MIS18BP1: variants seen among roughly 807,000 people sequenced by gnomAD.
MIS18BP1 encodes MIS18 binding protein 1, also known as mis18-binding protein 1.
A neutral mutation model predicts 116.1 loss-of-function variants in MIS18BP1; 72 were observed. The ratio of observed to expected loss-of-function variants is 0.62; its 90% confidence interval spans 0.51 to 0.75. The LOEUF is 0.75. MIS18BP1 is among the 30% of genes least tolerant of loss of function. The pLI is 0.00. For missense variants in MIS18BP1, 1,363 were observed against 1,303.2 expected (o/e 1.05, Z -0.71); for synonymous variants, 386 against 427.0 (o/e 0.90, Z 1.18).
At chr14:45,232,569 C>T (rs1256079354) in intron 7 of MIS18BP1, 164 bp downstream of exon 7, 8 of 599,366 alleles carry the variant, frequency 1.3e-5, no homozygotes, top group South Asian at 5.2e-5. Flanking sequence ...CTGAGACAGG[C>T]GGATCACTTG....
intron 1 of MIS18BP1, 86 bp from the exon 2 acceptor site, chr14:45,247,463 A>C: frequency 2.0e-6 from 1 of 495,796 alleles, no homozygotes; most frequent in Middle Eastern, 5.2e-4. Context: ...CATTATACTA[A>C]TTAAAATGTT....
chr14:45,250,480 G>A (rs777276023), intron 1 of MIS18BP1, among the ~76,000 whole-genome samples: 1 of 152,230 alleles, frequency 6.6e-6, no homozygotes, highest in African/African-American at 2.4e-5. Flanking sequence ...CAACCCGCAA[G>A]TGGAGGAAAG....
At chr14:45,230,444 A>C (rs1891243202) in intron 8 of MIS18BP1, among the ~76,000 whole-genome samples, 1 of 152,118 alleles carries the variant, frequency 6.6e-6, no homozygotes, top group Non-Finnish European at 1.5e-5. Context: ...AAGGAAACAG[A>C]TTTTGCCTAT....
Position 45,253,043 on chromosome 14 carries a change from A to C in MIS18BP1, c.-100T>G, listed in dbSNP as rs900153694. The stretch of plus-strand genomic sequence containing the variant: ...GCGCGGGGAGGACGTACCTTGGATG[A>C]AGAGCCTGGCAGGGAGAGACTGCCG... On this transcript the variant is annotated 5_prime_UTR_variant, in exon 1 of 17. Coordinates refer to ENST00000310806, the MANE Select transcript of MIS18BP1 (RefSeq NM_018353.5). The C allele has an allele frequency of 1.3e-4, 20 of 152,354 alleles. No homozygotes were observed. Among genetic ancestry groups the C allele is most frequent in the African/African-American group, 4.8e-4 (20 of 41,472 alleles). 9.4% of individuals were successfully genotyped at this position (152,354 alleles called of 1,614,324 possible).
rs773771039 is a variant in MIS18BP1 at position 45,242,763 on chromosome 14, T to C, written c.656A>G (p.Tyr219Cys). The C allele has an allele frequency of 1.2e-6, 2 of 1,600,716 alleles. No homozygotes were observed. Among genetic ancestry groups the C allele is most frequent in the Admixed American group, 3.5e-5 (2 of 56,898 alleles). ...AAAACAAACCAAAAATAGTTTACCG[T>C]AAGTTAAATTGTGCAGTGGTGCTTT... Reference protein sequence around the residue: ...EKKAPLHNLTYELPTLNQEQE... With the variant: ...EKKAPLHNLTCELPTLNQEQE... Residue 219 changes from tyrosine to cysteine, a missense_variant and splice_region_variant, in exon 3 of 17, where the codon TAC (tyrosine) becomes TGC (cysteine). By Grantham distance (194) the Tyr-to-Cys change is radical. Coordinates refer to ENST00000310806, the MANE Select transcript of MIS18BP1 (RefSeq NM_018353.5).
Position 45,224,431 on chromosome 14 carries a change from A to C in MIS18BP1, c.2156T>G (p.Leu719Ter), listed in dbSNP as rs543280026. Residue 719 changes from leucine to a stop codon, truncating the protein, a stop_gained, in exon 11 of 17, where the codon TTA (leucine) becomes TGA (stop). Coordinates refer to ENST00000310806, the MANE Select transcript of MIS18BP1 (RefSeq NM_018353.5). LOFTEE classifies it high-confidence loss of function. ...TTTTATTTTCCGGTTGACAGTAAGT[A>C]AGTCACGTTCATCGCAATCTTCCTT... The part of the protein sequence containing the change: ...KNKEDCDERD[L>*]LTVNRKIKIS... 3 of 1,613,998 alleles carry C rather than the reference A, an allele frequency of 1.9e-6. No individual in the cohort carries two copies. Among genetic ancestry groups the C allele is most frequent in the African/African-American group, 2.7e-5 (2 of 75,064 alleles).
At chr14:45,237,774 C>A in intron 4 of MIS18BP1, 53 bp from the exon 5 acceptor site, 3 of 1,534,048 alleles carry the variant, frequency 2.0e-6, no homozygotes, top group Non-Finnish European at 8.7e-7. Flanking sequence ...GCAGCACAAG[C>A]ATTACAAAAT....
In MIS18BP1 at chr14:45,237,012, CTTT is replaced by C. The variant is rs11329365; in HGVS notation, c.1217+633_1217+635del. 1.3e-3 allele frequency among the ~76,000 whole-genome samples: 179 copies of C among 136,968 alleles called. 1 individual carries two copies. The highest frequency in any genetic ancestry group is 4.6e-3 in the African/African-American group (169 of 36,944). The allele number at this position is 136,968 out of a possible 152,430, so 89.9% of individuals were successfully genotyped here. A position where few individuals can be genotyped will look rare whatever the true frequency, so the allele number is the denominator to read the frequency against. On this transcript the variant is annotated intron_variant, in intron 5 of 16. Transcript: ENST00000310806. ...ATATGAGTACCTTAAACAGTTATAACTTTTTTTTTTTTTTTTTTTGAGACAGAG... is the reference window on the plus strand; with the variant it reads ...ATATGAGTACCTTAAACAGTTATAACTTTTTTTTTTTTTTTTGAGACAGAG...
At chr14:45,208,618 T>C (rs201392753) in intron 14 of MIS18BP1, among the ~76,000 whole-genome samples, 2 of 152,066 alleles carry the variant, frequency 1.3e-5, no homozygotes, top group East Asian at 3.9e-4. Context: ...AGGTGTGAGC[T>C]ACCGCGCCCG....
intron 13 of MIS18BP1, among the ~76,000 whole-genome samples, chr14:45,214,041 G>GA (rs1160010549): frequency 6.6e-6 from 1 of 152,314 alleles, no homozygotes; most frequent in African/African-American, 2.4e-5. Context: ...CTCTGCCTAG[G>GA]AAAACCAGGT....
At chr14:45,238,855 C>G (rs1301997382) in intron 4 of MIS18BP1, among the ~76,000 whole-genome samples, 4 of 152,060 alleles carry the variant, frequency 2.6e-5, no homozygotes, top group Non-Finnish European at 5.9e-5. Context: ...GTTTATAAGC[C>G]ATGGGTCTCA....
rs759396863 is a variant in MIS18BP1, at chr14:45,246,900, C to G, written c.387G>C (p.Gln129His). ...CCAACAAACTACTGTTTCTTGATGG[C>G]TGTTCTTGCTTGTCACGCAGTACTT... ...KEKVLRDKQE[Q>H]PSRNSSLLEP... is the part of the protein sequence containing the mutation. The change falls in exon 2 of 17, where the codon CAG becomes CAC. Residue 129 changes from glutamine to histidine, a missense_variant. By Grantham distance (24) the Gln-to-His change is conservative. Transcript: ENST00000310806. 1.3e-5 allele frequency: 21 copies of G among 1,610,686 alleles called. No homozygotes were observed. Among genetic ancestry groups the G allele is most frequent in the Non-Finnish European group, 1.7e-5 (20 of 1,179,360 alleles).
intron 2 of MIS18BP1, among the ~76,000 whole-genome samples, chr14:45,243,252 G>T (rs1451364225): frequency 6.6e-6 from 1 of 152,196 alleles, no homozygotes; most frequent in Non-Finnish European, 1.5e-5. Flanking sequence ...TGAAAATTCC[G>T]ATTCTGTTTC....
At chr14:45,241,093 G>A (rs889585549) in intron 4 of MIS18BP1, among the ~76,000 whole-genome samples, 1 of 152,152 alleles carries the variant, frequency 6.6e-6, no homozygotes, top group African/African-American at 2.4e-5. Flanking sequence ...AACAGAGTAA[G>A]GCCTCATTTA....
chr14:45,251,543 T>C (rs946135233), intron 1 of MIS18BP1, among the ~76,000 whole-genome samples: 1 of 152,010 alleles, frequency 6.6e-6, no homozygotes, highest in Non-Finnish European at 1.5e-5. Context: ...ATGGAATGGG[T>C]CAAAAATCCC....
chr14:45,227,572 T>A, intron 9 of MIS18BP1, 91 bp downstream of exon 9: 107 of 872,350 alleles, frequency 1.2e-4, no homozygotes, highest in Non-Finnish European at 1.7e-4. Context: ...AAAACAGAAC[T>A]CACGTCCCTG....
At chr14:45,212,611 A>G (rs995058561) in intron 13 of MIS18BP1, among the ~76,000 whole-genome samples, 2 of 152,350 alleles carry the variant, frequency 1.3e-5, no homozygotes, top group Admixed American at 6.5e-5. Flanking sequence ...CAGCTTCCTC[A>G]TAAGATCTCA....
intron 13 of MIS18BP1, among the ~76,000 whole-genome samples, chr14:45,214,346 C>T (rs929982954): frequency 2.6e-5 from 4 of 152,202 alleles, no homozygotes; most frequent in Admixed American, 2.6e-4. Context: ...CTTTAATGCA[C>T]TATATGTGCA....
intron 7 of MIS18BP1, among the ~76,000 whole-genome samples, chr14:45,232,233 G>A (rs1439673173): frequency 2.0e-5 from 3 of 151,620 alleles, no homozygotes; most frequent in Non-Finnish European, 2.9e-5. Context: ...TGGCTAACAT[G>A]GTGAAACCCT....
Sources: allele counts gnomAD v4.1 joint callset (sites outside exome capture counted in the v4.1 genomes callset), GRCh38; gene constraint gnomAD v4.1.1; transcripts MANE v1.5; gene names NCBI Gene and HGNC (gene_info 2026-07-23, HGNC 2026-07-21).